GRM7: variants seen among roughly 807,000 people sequenced by gnomAD.
GRM7 encodes metabotropic glutamate receptor 7.
In GRM7, 35 loss-of-function variants were observed where a neutral mutation model predicts 84.5. That is an observed-to-expected ratio of 0.41 (90% CI 0.32 to 0.55). The LOEUF is 0.55. GRM7 is among the 20% of genes least tolerant of loss of function. GRM7 has a pLI of 0.19. For missense variants in GRM7, 1,003 were observed against 1,194.6 expected (o/e 0.84, Z 2.36); for synonymous variants, 487 against 455.1 (o/e 1.07, Z -0.89).
chr3:7,677,272 A>AAAAC (rs1553635835), intron 8 of GRM7, among the ~76,000 whole-genome samples: 4 of 118,518 alleles, frequency 3.4e-5, no homozygotes, highest in African/African-American at 1.8e-4. Flanking sequence ...TAAAAAAAAA[A>AAAAC]AAAAAAAAAA....
chr3:7,103,013 T>G (rs1175375624), intron 1 of GRM7, among the ~76,000 whole-genome samples: 2 of 151,886 alleles, frequency 1.3e-5, no homozygotes, highest in African/African-American at 4.8e-5. Context: ...TACACATTTT[T>G]CTTGCTAATG....
At chr3:7,482,382 T>A (rs902452397) in intron 7 of GRM7, among the ~76,000 whole-genome samples, 1 of 152,114 alleles carries the variant, frequency 6.6e-6, no homozygotes, top group Non-Finnish European at 1.5e-5. Flanking sequence ...GGTACCTACC[T>A]CAGTGTAGCT....
chr3:7,541,636 C>T (rs1692887904), intron 7 of GRM7, among the ~76,000 whole-genome samples: 1 of 152,120 alleles, frequency 6.6e-6, no homozygotes, highest in Non-Finnish European at 1.5e-5. Context: ...CCTAACTGGC[C>T]CTTTCTCTCC....
chr3:7,136,760 C>A (rs879302439), intron 1 of GRM7, among the ~76,000 whole-genome samples: 4 of 152,018 alleles, frequency 2.6e-5, no homozygotes, highest in Admixed American at 1.3e-4. Flanking sequence ...AATACTGATC[C>A]GTTCCTATGC....
At chr3:7,400,709 G>A (rs528205791) in intron 4 of GRM7, among the ~76,000 whole-genome samples, 34 of 152,186 alleles carry the variant, frequency 2.2e-4, no homozygotes, top group Middle Eastern at 6.8e-3. Context: ...CTGAAATCCT[G>A]TAACTTTCAT....
At chr3:6,916,799 CA>C (rs1330111644) in intron 1 of GRM7, among the ~76,000 whole-genome samples, 3 of 151,972 alleles carry the variant, frequency 2.0e-5, no homozygotes, top group African/African-American at 7.2e-5. Context: ...TTTATTAATT[CA>C]TTTTTTTTTC....
At chr3:7,506,024 A>G (rs1025824115) in intron 7 of GRM7, among the ~76,000 whole-genome samples, 1 of 152,162 alleles carries the variant, frequency 6.6e-6, no homozygotes, top group Non-Finnish European at 1.5e-5. Context: ...CTGTCTTTAA[A>G]TCAACTCTTT....
intron 4 of GRM7, among the ~76,000 whole-genome samples, chr3:7,335,290 A>C (rs1326403029): frequency 6.6e-6 from 1 of 152,132 alleles, no homozygotes; most frequent in Non-Finnish European, 1.5e-5. Context: ...TATGCAAATT[A>C]AGTAATCTGC....
chr3:7,440,447 C>G (rs1377939726), intron 5 of GRM7, among the ~76,000 whole-genome samples: 1 of 152,032 alleles, frequency 6.6e-6, no homozygotes. Context: ...AGAGCTAGTC[C>G]AATATACCCA....
chr3:7,487,134 G>C (rs569245624), intron 7 of GRM7, among the ~76,000 whole-genome samples: 5 of 152,298 alleles, frequency 3.3e-5, no homozygotes, highest in African/African-American at 1.2e-4. Context: ...CAGAACGTAA[G>C]AGTGATGAAT....
At chr3:7,059,316 A>G (rs937337016) in intron 1 of GRM7, among the ~76,000 whole-genome samples, 2 of 151,816 alleles carry the variant, frequency 1.3e-5, no homozygotes, top group African/African-American at 4.8e-5. Context: ...CCACATCTAA[A>G]GAGCCACTTT....
chr3:7,239,581 C>T (rs945568124), intron 2 of GRM7, among the ~76,000 whole-genome samples: 1 of 152,074 alleles, frequency 6.6e-6, no homozygotes, highest in African/African-American at 2.4e-5. Flanking sequence ...GTGAATGTTT[C>T]CGGATGAGAT....
intron 2 of GRM7, among the ~76,000 whole-genome samples, chr3:7,181,100 T>C (rs547513381): frequency 7.2e-5 from 11 of 152,214 alleles, no homozygotes; most frequent in Non-Finnish European, 1.2e-4. Context: ...ATCATAGATA[T>C]AGAGACGGAG....
intron 1 of GRM7, among the ~76,000 whole-genome samples, chr3:7,000,074 T>C (rs1254323076): frequency 6.6e-6 from 1 of 152,018 alleles, no homozygotes; most frequent in African/African-American, 2.4e-5. Context: ...GTTTACATAA[T>C]ATTTTTCAAG....
intron 7 of GRM7, among the ~76,000 whole-genome samples, chr3:7,560,674 T>A (rs1316174928): frequency 6.6e-6 from 1 of 152,110 alleles, no homozygotes; most frequent in Admixed American, 6.6e-5. Context: ...CTGGAGCTTT[T>A]CCTGCTTCAG....
intron 1 of GRM7, among the ~76,000 whole-genome samples, chr3:6,992,048 C>T (rs1053351780): frequency 6.6e-6 from 1 of 150,928 alleles, no homozygotes; most frequent in Non-Finnish European, 1.5e-5. Flanking sequence ...CTAATTTATA[C>T]GTTAGTCACA....
intron 1 of GRM7, among the ~76,000 whole-genome samples, chr3:7,127,348 C>A (rs138872884): frequency 6.6e-6 from 1 of 152,152 alleles, no homozygotes; most frequent in Non-Finnish European, 1.5e-5. Context: ...GAGAAAAGAT[C>A]GGATGAGTTA....
intron 8 of GRM7, among the ~76,000 whole-genome samples, chr3:7,665,168 CTTTTTTTTT>C (rs34966790): frequency 9.8e-6 from 1 of 102,524 alleles, no homozygotes; most frequent in African/African-American, 4.0e-5. Flanking sequence ...GCCCATGATT[CTTTTTTTTT>C]TTTTTTTTTT....
intron 1 of GRM7, among the ~76,000 whole-genome samples, chr3:6,965,204 G>A (rs927797226): frequency 2.6e-5 from 4 of 152,206 alleles, no homozygotes; most frequent in African/African-American, 9.6e-5. Context: ...TGCAGCTGAA[G>A]CACAGAGAGG....
Sources: gnomAD v4.1 joint callset for allele counts (sites outside exome capture counted in the v4.1 genomes callset) on GRCh38, gnomAD v4.1.1 for gene constraint, MANE v1.5 for transcripts, NCBI Gene and HGNC (gene_info 2026-07-23, HGNC 2026-07-21) for gene names.